Variants in CREBBP observed in about 807,000 individuals in gnomAD.
CREBBP encodes CREB binding lysine acetyltransferase.
CREBBP carries 19 observed loss-of-function variants against 265.0 expected under a neutral mutation model. That is an observed-to-expected ratio of 0.07 (90% CI 0.05 to 0.11). CREBBP has a LOEUF of 0.11. Among genes scored for constraint, CREBBP ranks in the 10% least tolerant of loss-of-function variants. CREBBP has a pLI of 1.00. For missense variants in CREBBP, 2,525 were observed against 3,219.0 expected (o/e 0.78, Z 5.22); for synonymous variants, 1,457 against 1,223.7 (o/e 1.19, Z -3.98).
At chr16:3,863,257 A>G (rs1008442995) in intron 1 of CREBBP, among the ~76,000 whole-genome samples, 3 of 152,202 alleles carry the variant, frequency 2.0e-5, no homozygotes, top group Non-Finnish European at 4.4e-5. Flanking sequence ...CAGGTATCAA[A>G]AAACATCCTG....
In CREBBP at chr16:3,868,944, C is replaced by T. The variant is rs527570494; in HGVS notation, c.85+10888G>A. On this transcript the variant is annotated intron_variant, in intron 1 of 30. Coordinates refer to ENST00000262367, the MANE Select transcript of CREBBP (RefSeq NM_004380.3). The stretch of plus-strand genomic sequence containing the variant: ...ACTGGATCCCGGGCCGACCAACCCC[C>T]GCAGGGCAGAACCACACCTTTAGTC... Among the ~76,000 whole-genome samples, 7 of 152,284 alleles carry T rather than the reference C, an allele frequency of 4.6e-5. No homozygotes were observed. The South Asian group carries it at 8.3e-4, about 18-fold the overall frequency.
intron 5 of CREBBP, among the ~76,000 whole-genome samples, chr16:3,788,398 C>T (rs1431665561): frequency 2.6e-5 from 4 of 152,104 alleles, no homozygotes; most frequent in East Asian, 3.8e-4. Context: ...CTATGGCTTC[C>T]CTGAGGCCTA....
intron 26 of CREBBP, among the ~76,000 whole-genome samples, chr16:3,737,351 G>C (rs1179964880): frequency 2.0e-5 from 3 of 152,142 alleles, no homozygotes; most frequent in Non-Finnish European, 2.9e-5. Flanking sequence ...TTTACACAAA[G>C]GATTCACAAA....
intron 25 of CREBBP, among the ~76,000 whole-genome samples, chr16:3,738,934 G>C (rs773914106): frequency 1.2e-4 from 19 of 152,090 alleles, no homozygotes; most frequent in Non-Finnish European, 2.5e-4. Flanking sequence ...GTAGAGCTAG[G>C]GTCTCACTTT....
chr16:3,728,006 G>A lies in CREBBP; in HGVS notation c.7041C>T (p.Ala2347=), dbSNP rs760644241. Residue 2347 remains alanine, a synonymous_variant, in exon 31 of 31, where the codon GCC becomes GCT. Transcript: ENST00000262367. This position sits in a 1 kb window ranked among gnomAD's most constrained non-coding sequence, Gnocchi z 8.7. The stretch of plus-strand genomic sequence containing the variant: ...ACTGGGGCCGTGGAGACTGGACAGG[G>A]GCTGGAGACCGCACCTGGTTACTAA... ...TSLSNQVRSP[A]PVQSPRPQSQ... is the part of the protein sequence containing the mutation. 2.7e-5 allele frequency: 43 copies of A among 1,610,812 alleles called. No homozygotes were observed. Among genetic ancestry groups the A allele is most frequent in the Non-Finnish European group, 3.7e-5 (43 of 1,177,716 alleles).
At position 3,880,124 on chromosome 16, in the gene CREBBP, TCACCGCCCGCCCCCGGCCGCCGCCGCCGC is replaced by T. The variant is rs1567386638; in HGVS notation, c.-237_-209del. 2.3e-5 allele frequency: 4 copies of T among 173,324 alleles called. No homozygotes were observed. Among genetic ancestry groups the T allele is most frequent in the Non-Finnish European group, 3.5e-5 (3 of 85,268 alleles). 10.7% of individuals were successfully genotyped at this position (173,324 alleles called of 1,614,324 possible). A position where few individuals can be genotyped will look rare whatever the true frequency, so the allele number is the denominator to read the frequency against. On this transcript the variant is annotated 5_prime_UTR_variant, in exon 1 of 31. The change abolishes the stop of an existing upstream ORF in the 5' untranslated region. Coordinates refer to ENST00000262367, the MANE Select transcript of CREBBP (RefSeq NM_004380.3). Reference sequence around the variant, plus strand: ...CCACAGCAACAGCGCCCCGCAGCGCTCACCGCCCGCCCCCGGCCGCCGCCGCCGCCGCCGGCCGCGGCCCCCTCATCCCC... The same window carrying T: ...CCACAGCAACAGCGCCCCGCAGCGCTCGCCGGCCGCGGCCCCCTCATCCCC...
At chr16:3,799,672 G>T (rs1474348414) in intron 3 of CREBBP, among the ~76,000 whole-genome samples, 3 of 152,154 alleles carry the variant, frequency 2.0e-5, no homozygotes, top group Non-Finnish European at 2.9e-5. Context: ...TCTATTAAAG[G>T]TGGACTAATT....
intron 16 of CREBBP, 78 bp from the exon 17 acceptor site, chr16:3,759,050 C>T: frequency 8.6e-7 from 1 of 1,165,678 alleles, no homozygotes; most frequent in East Asian, 2.3e-5. Context: ...AAACGGAATC[C>T]TGGCTGCTGT....
chr16:3,745,035 A>C, intron 22 of CREBBP, 74 bp from the exon 23 acceptor site: 1 of 1,156,196 alleles, frequency 8.6e-7, no homozygotes, highest in South Asian at 1.2e-5. Flanking sequence ...TGCAGCATTC[A>C]GATAGTTTGT....
intron 28 of CREBBP, among the ~76,000 whole-genome samples, chr16:3,732,989 C>T (rs1192092810): frequency 6.6e-6 from 1 of 152,028 alleles, no homozygotes; most frequent in Non-Finnish European, 1.5e-5. Flanking sequence ...CATGAGCCAC[C>T]GTGCCCAGCC....
intron 25 of CREBBP, 45 bp from the exon 26 acceptor site, chr16:3,738,717 C>T: frequency 7.9e-7 from 1 of 1,270,706 alleles, no homozygotes; most frequent in Non-Finnish European, 1.1e-6. Flanking sequence ...TCCCTCAAAT[C>T]TGAAATCAAA....
chr16:3,851,992 C>A, intron 1 of CREBBP, among the ~76,000 whole-genome samples: 1 of 111,394 alleles, frequency 9.0e-6, no homozygotes, highest in East Asian at 3.1e-4. Context: ...GAGCTGAGAT[C>A]GTGCCACTGC....
chr16:3,839,078 C>T (rs2054513639), intron 2 of CREBBP, among the ~76,000 whole-genome samples: 1 of 152,298 alleles, frequency 6.6e-6, no homozygotes, highest in African/African-American at 2.4e-5. Flanking sequence ...GATTATTATC[C>T]ATTTTTAATT....
At position 3,848,910 on chromosome 16, in the gene CREBBP, A is replaced by T. The variant is rs111833578; in HGVS notation, c.798+1387T>A. Among the ~76,000 whole-genome samples, 5 of 152,190 alleles carry T rather than the reference A, an allele frequency of 3.3e-5. 1 individual carries two copies. The East Asian group carries it at 9.6e-4, about 29-fold the overall frequency. On this transcript the variant is annotated intron_variant, in intron 2 of 30. Transcript: ENST00000262367. ...CAAAAAAGACAAATGCAATTTAAAC[A>T]TTGAGCATTACTTCATCTTCATTTC...
chr16:3,794,229 G>A (rs1460824144), intron 3 of CREBBP, among the ~76,000 whole-genome samples: 2 of 150,748 alleles, frequency 1.3e-5, no homozygotes, highest in African/African-American at 4.9e-5. Flanking sequence ...CTACTCGGGA[G>A]GCTGAGGCAG....
chr16:3,822,477 G>C (rs1031382660), intron 2 of CREBBP, among the ~76,000 whole-genome samples: 33 of 152,166 alleles, frequency 2.2e-4, no homozygotes, highest in Admixed American at 9.2e-4. Context: ...CAGGAAAACA[G>C]AACTAATTCT....
chr16:3,735,831 G>A (rs2052042132), intron 28 of CREBBP, among the ~76,000 whole-genome samples: 1 of 152,136 alleles, frequency 6.6e-6, no homozygotes, highest in Admixed American at 6.5e-5. Context: ...TGGACCCCCA[G>A]CTCCCCAGAG....
chr16:3,782,889 T>A lies in CREBBP; in HGVS notation c.1368A>T (p.Thr456=). The part of the protein sequence containing the change: ...LGSPASGIQN[T]IGSVGTGQQN... ...GTTGCCCTGTGCCAACAGAACCAAT[T>A]GTGTTTTGAATTCCACTAGCTGGAG... Residue 456 remains threonine (T), a synonymous_variant, in exon 6 of 31, where the codon ACA becomes ACT. Transcript: ENST00000262367. 6 of 1,614,170 alleles carry A rather than the reference T, an allele frequency of 3.7e-6. No individual in the cohort carries two copies. The highest frequency in any genetic ancestry group is 5.1e-6 in the Non-Finnish European group (6 of 1,180,042).
Position 3,740,458 on chromosome 16 carries a change from A to G in CREBBP, c.4074T>C (p.Phe1358=), listed in dbSNP as rs1289270081. The change falls in exon 24 of 31, where the codon TTT becomes TTC. Residue 1358 remains phenylalanine, a synonymous_variant. Transcript: ENST00000262367. ...TGTCTGAGCTGGCCACCACTCGGAC[A>G]AAAACCTCCCCGGCTTCAGGGTGAT... is the stretch of plus-strand genomic sequence containing the variant. The part of the protein sequence containing the change: ...RQNHPEAGEV[F]VRVVASSDKT... 1.9e-6 allele frequency: 3 copies of G among 1,614,062 alleles called. No homozygotes were observed. The highest frequency in any genetic ancestry group is 4.5e-5 in the East Asian group (2 of 44,884).
Sources: allele counts gnomAD v4.1 joint callset (sites outside exome capture counted in the v4.1 genomes callset), GRCh38; gene constraint gnomAD v4.1.1; non-coding constraint Gnocchi (gnomAD v3.1); transcripts MANE v1.5; gene names NCBI Gene and HGNC (gene_info 2026-07-23, HGNC 2026-07-21).